Variants in DIABLO observed in about 807,000 individuals in gnomAD.
DIABLO encodes the protein diablo homolog, mitochondrial.
In DIABLO, 32 loss-of-function variants were observed where a neutral mutation model predicts 31.7. The ratio of observed to expected loss-of-function variants is 1.01; its 90% CI spans 0.76 to 1.35. DIABLO has a LOEUF of 1.35. Among genes scored for constraint, DIABLO ranks in the 40% most tolerant of loss-of-function variants. DIABLO has a pLI of 0.00. For missense variants in DIABLO, 316 were observed against 286.4 expected, an observed-to-expected ratio of 1.10 and a Z score of -0.75; for synonymous variants, 132 against 103.2, an observed-to-expected ratio of 1.28 and a Z score of -1.69.
chr12:122,224,380 G>A, intron 2 of DIABLO, 132 bp downstream of exon 2: 1 of 1,344,458 alleles, frequency 7.4e-7, no homozygotes. Flanking sequence ...ACTGTGAAAA[G>A]ATGCCGGTAC....
chr12:122,216,862 T>TAAAC lies in DIABLO; in HGVS notation c.319_322dup (p.Tyr108CysfsTer25), dbSNP rs1327559971. The TAAAC allele has an allele frequency of 1.2e-5, 20 of 1,612,148 alleles. No homozygotes were observed. Among genetic ancestry groups the TAAAC allele is most frequent in the Non-Finnish European group, 1.2e-5 (14 of 1,178,332 alleles). On this transcript the variant is annotated frameshift_variant, in exon 4 of 6. Transcript: ENST00000464942. LOFTEE classifies it high-confidence loss of function. ...TTGTCGGTAAAGAGAAGTTAAGGTA[T>TAAAC]AAACAGCCTACAAATAGAGAATGAA...
intron 5 of DIABLO, among the ~76,000 whole-genome samples, chr12:122,210,628 C>T (rs2136084484): frequency 6.7e-6 from 1 of 150,018 alleles, no homozygotes; most frequent in Non-Finnish European, 1.5e-5. Context: ...ATCCACCCGC[C>T]TTGGCCTCCC....
At chr12:122,224,437 C>T (rs1460259061) in intron 2 of DIABLO, 75 bp downstream of exon 2, 1 of 1,611,580 alleles carries the variant, frequency 6.2e-7, no homozygotes, top group Admixed American at 1.7e-5. Flanking sequence ...GGTAGCTTGT[C>T]TAATGCTTCA....
chr12:122,217,051 T>C (rs1303641388), intron 3 of DIABLO, 182 bp from the exon 4 acceptor site: 3 of 567,384 alleles, frequency 5.3e-6, no homozygotes, highest in Non-Finnish European at 9.5e-6. Context: ...AGTATCTCCA[T>C]CTGTAAACTT....
chr12:122,223,699 C>G (rs993250158), intron 2 of DIABLO, among the ~76,000 whole-genome samples: 3 of 152,180 alleles, frequency 2.0e-5, no homozygotes, highest in Non-Finnish European at 4.4e-5. Flanking sequence ...TATAATGGCT[C>G]TTTCAGAACA....
rs943661859 is a variant in DIABLO at position 122,208,767 on chromosome 12, T to C, written c.524-190A>G. ...TCAGGTCTGGATTTAACTGACACTC[T>C]GTCAAAAACAGCATTTTTCTTCAGC... On this transcript the variant is annotated intron_variant, in intron 5 of 5. Transcript: ENST00000464942. The C allele has an allele frequency of 2.1e-5, 15 of 698,724 alleles. No individual in the cohort carries two copies. In the African/African-American group the frequency reaches 2.3e-4, roughly 11 times the overall value. 43.3% of individuals were successfully genotyped at this position (698,724 alleles called of 1,614,324 possible). A position where few individuals can be genotyped will look rare whatever the true frequency, so the allele number is the denominator to read the frequency against.
chr12:122,218,496 GT>G, intron 2 of DIABLO, 99 bp from the exon 3 acceptor site: 1 of 1,508,100 alleles, frequency 6.6e-7, no homozygotes, highest in Non-Finnish European at 9.2e-7. Flanking sequence ...GCTGCTTAGT[GT>G]TTTAGGCTGA....
At chr12:122,225,889 C>T in intron 1 of DIABLO, 76 bp downstream of exon 1, 1 of 1,545,342 alleles carries the variant, frequency 6.5e-7, no homozygotes. Context: ...AGGCGGGCGC[C>T]GTGGGCCGGG....
chr12:122,214,300 C>T (rs1403451122), intron 5 of DIABLO, among the ~76,000 whole-genome samples: 1 of 152,120 alleles, frequency 6.6e-6, no homozygotes, highest in Non-Finnish European at 1.5e-5. Flanking sequence ...CCTATCTTAC[C>T]CTCCCAAGTA....
intron 5 of DIABLO, chr12:122,209,547 CT>C (rs568857379): frequency 7.1e-4 from 372 of 521,808 alleles, no homozygotes; most frequent in African/African-American, 6.7e-3. Context: ...CACCTGCAGT[CT>C]CAGCTACTTG....
intron 2 of DIABLO, among the ~76,000 whole-genome samples, chr12:122,224,303 A>G (rs754787710): frequency 1.3e-5 from 2 of 152,070 alleles, no homozygotes; most frequent in African/African-American, 4.8e-5. Flanking sequence ...TACTCGCTTT[A>G]TACAATTTGA....
rs572042943 is a variant in DIABLO, at chr12:122,216,897, G to GTAAAGTAA, written c.316-36_316-29dup. ...ACAAATAGAGAATGAACAAGTCTGA[G>GTAAAGTAA]TAAAGTAAGTGAGACATATCAGAAG... On this transcript the variant is annotated intron_variant, in intron 3 of 5. Transcript: ENST00000464942. 1,591 of 1,564,740 alleles carry GTAAAGTAA rather than the reference G, an allele frequency of 1.0e-3. 15 individuals are homozygous for GTAAAGTAA. The African/African-American group carries it at 0.02, about 19-fold the overall frequency.
intron 1 of DIABLO, chr12:122,225,739 G>T (rs973489374): frequency 4.9e-6 from 7 of 1,431,804 alleles, no homozygotes; most frequent in African/African-American, 1.4e-5. Flanking sequence ...GGGTCTCGGG[G>T]ACTCGTTTCT....
rs191255872 is a variant in DIABLO, at chr12:122,208,560, T to C, written c.541A>G (p.Ile181Val). ...AGCTGAATGTGATTCCTGGCGGTTA[T>C]AGAGGCCTGATCTGCGCCTGCCAAA... ...AYQTGADQAS[I>V]TARNHIQLVK... Residue 181 changes from isoleucine (I) to valine (V), a missense_variant, in exon 6 of 6, where the codon ATA becomes GTA. Transcript: ENST00000464942. 1.9e-6 allele frequency: 3 copies of C among 1,613,424 alleles called. No homozygotes were observed. Among genetic ancestry groups the C allele is most frequent in the African/African-American group, 1.3e-5 (1 of 75,056 alleles).
intron 5 of DIABLO, among the ~76,000 whole-genome samples, chr12:122,211,480 G>A (rs1414888292): frequency 2.0e-5 from 3 of 151,928 alleles, no homozygotes; most frequent in Non-Finnish European, 2.9e-5. Flanking sequence ...AGGCCAAGAC[G>A]GGAGGATCAC....
At chr12:122,225,611 T>A (rs1450658692) in intron 1 of DIABLO, 3 of 1,237,212 alleles carry the variant, frequency 2.4e-6, no homozygotes, top group Non-Finnish European at 3.1e-6. Context: ...CAGACGCTCG[T>A]CTCCCTTCCC....
At chr12:122,225,497 G>A (rs796454246) in intron 1 of DIABLO, 9 of 1,036,022 alleles carry the variant, frequency 8.7e-6, no homozygotes, top group Non-Finnish European at 1.0e-5. Context: ...CTGGGTGCCA[G>A]TTGTGTGTGA....
At chr12:122,209,665 C>CT (rs1566020923) in intron 5 of DIABLO, 3 of 683,052 alleles carry the variant, frequency 4.4e-6, no homozygotes, top group Admixed American at 4.2e-5. Context: ...TCGTCTCCCC[C>CT]CCAAAAAAAA....
chr12:122,217,268 T>A (rs12822369), intron 3 of DIABLO: 10,539 of 255,438 alleles, frequency 0.041, 331 homozygotes, highest in South Asian at 0.07. Flanking sequence ...ATCCTAGCAC[T>A]TTGGGAGGCT....
Sources: gnomAD v4.1 joint callset for allele counts (sites outside exome capture counted in the v4.1 genomes callset) on GRCh38, gnomAD v4.1.1 for gene constraint, MANE v1.5 for transcripts, NCBI Gene and HGNC (gene_info 2026-07-23, HGNC 2026-07-21) for gene names.